TAFA2: variants seen among roughly 807,000 people sequenced by gnomAD.
TAFA2 encodes the protein TAFA chemokine like family member 2.
TAFA2 carries 7 observed loss-of-function variants against 18.8 expected under a neutral mutation model. The observed-to-expected ratio is 0.37, with a 90% CI of 0.21 to 0.70. The LOEUF (loss-of-function observed/expected upper bound fraction) is 0.70, where lower values mean the gene tolerates loss of function less well. TAFA2 is among the 30% of genes least tolerant of loss of function. The pLI is 0.53. For missense variants in TAFA2, 122 were observed against 158.1 expected (o/e 0.77, Z 1.23); for synonymous variants, 60 against 54.2 (o/e 1.11, Z -0.47).
chr12:61,979,861 G>C (rs1004232731), intron 1 of TAFA2, among the ~76,000 whole-genome samples: 1 of 152,004 alleles, frequency 6.6e-6, no homozygotes, highest in Non-Finnish European at 1.5e-5. Flanking sequence ...GACTGGAAGG[G>C]AAGCCTCTGC....
chr12:61,793,719 G>C (rs963447848), intron 2 of TAFA2, among the ~76,000 whole-genome samples: 2 of 151,618 alleles, frequency 1.3e-5, no homozygotes, highest in African/African-American at 4.8e-5. Flanking sequence ...AACTGAAGAG[G>C]TATGACTATG....
chr12:62,125,431 T>G (rs962399135), intron 1 of TAFA2, among the ~76,000 whole-genome samples: 2 of 152,032 alleles, frequency 1.3e-5, no homozygotes, highest in Non-Finnish European at 2.9e-5. Flanking sequence ...TCTTCATGCA[T>G]CCCCAACCTC....
At chr12:62,044,823 A>G (rs1881867630) in intron 1 of TAFA2, among the ~76,000 whole-genome samples, 1 of 152,140 alleles carries the variant, frequency 6.6e-6, no homozygotes, top group Non-Finnish European at 1.5e-5. Context: ...TAATGGAAAA[A>G]TGAAGGCAAA....
At chr12:62,181,169 C>T (rs2062549477) in intron 1 of TAFA2, among the ~76,000 whole-genome samples, 1 of 152,146 alleles carries the variant, frequency 6.6e-6, no homozygotes, top group Non-Finnish European at 1.5e-5. Context: ...CTCTCTCTCA[C>T]ATACACACAC....
At chr12:61,871,866 G>T (rs907403618) in intron 1 of TAFA2, among the ~76,000 whole-genome samples, 3 of 152,282 alleles carry the variant, frequency 2.0e-5, no homozygotes, top group Admixed American at 2.0e-4. Flanking sequence ...GCCGAGGTGG[G>T]TGGATCACAA....
At chr12:62,190,893 A>T (rs933801015) in intron 1 of TAFA2, among the ~76,000 whole-genome samples, 3 of 152,120 alleles carry the variant, frequency 2.0e-5, no homozygotes, top group Admixed American at 6.5e-5. Flanking sequence ...ACCAGCCAGG[A>T]TGGGTCTGGG....
chr12:62,223,840 A>C (rs541770026), intron 1 of TAFA2, among the ~76,000 whole-genome samples: 20 of 152,198 alleles, frequency 1.3e-4, no homozygotes, highest in Admixed American at 8.5e-4. Context: ...AAGGAAACAT[A>C]AGATAGTATG....
At chr12:62,067,971 CT>C (rs996022416) in intron 1 of TAFA2, among the ~76,000 whole-genome samples, 5 of 149,848 alleles carry the variant, frequency 3.3e-5, no homozygotes, top group Admixed American at 2.0e-4. Context: ...TTTGTTTTTA[CT>C]TTTTTTTTCA....
At chr12:62,181,844 G>A (rs2062553528) in intron 1 of TAFA2, among the ~76,000 whole-genome samples, 2 of 152,104 alleles carry the variant, frequency 1.3e-5, no homozygotes, top group Admixed American at 1.3e-4. Context: ...AAATCATAAA[G>A]TATTATGTCT....
At chr12:61,760,656 C>T (rs189816775) in intron 2 of TAFA2, among the ~76,000 whole-genome samples, 38 of 151,428 alleles carry the variant, frequency 2.5e-4, no homozygotes, top group African/African-American at 8.5e-4. Context: ...GTTAATGAGA[C>T]GGGAGGAAAT....
chr12:61,737,550 CTT>C (rs901291600), intron 4 of TAFA2, among the ~76,000 whole-genome samples: 3 of 151,206 alleles, frequency 2.0e-5, no homozygotes, highest in Non-Finnish European at 4.4e-5. Flanking sequence ...ATTATGCTCA[CTT>C]AAATATTTAT....
At chr12:62,166,302 A>G (rs148132412) in intron 1 of TAFA2, among the ~76,000 whole-genome samples, 1 of 152,284 alleles carries the variant, frequency 6.6e-6, no homozygotes, top group African/African-American at 2.4e-5. Flanking sequence ...TTGGCAGTTT[A>G]TACACTGCTG....
intron 1 of TAFA2, among the ~76,000 whole-genome samples, chr12:61,890,943 G>A (rs1875604144): frequency 6.6e-6 from 1 of 152,164 alleles, no homozygotes; most frequent in Non-Finnish European, 1.5e-5. Flanking sequence ...GATCCAAAAA[G>A]GGGTTATATC....
chr12:61,715,493 C>A (rs1347348418), intron 4 of TAFA2, among the ~76,000 whole-genome samples: 1 of 151,944 alleles, frequency 6.6e-6, no homozygotes, highest in East Asian at 1.9e-4. Flanking sequence ...GGACCACAGG[C>A]ACCCACCACC....
At chr12:62,102,438 T>C (rs1274733384) in intron 1 of TAFA2, among the ~76,000 whole-genome samples, 11 of 152,244 alleles carry the variant, frequency 7.2e-5, no homozygotes, top group Admixed American at 7.2e-4. Context: ...TAATACTCTC[T>C]GAAAATTAGA....
At chr12:61,923,624 A>T (rs1343761286) in intron 1 of TAFA2, among the ~76,000 whole-genome samples, 1 of 152,166 alleles carries the variant, frequency 6.6e-6, no homozygotes, top group Non-Finnish European at 1.5e-5. Flanking sequence ...ATCTACAAAG[A>T]TGAAGAAAAG....
intron 1 of TAFA2, among the ~76,000 whole-genome samples, chr12:62,095,006 G>T (rs9739326): frequency 0.17 from 26,178 of 152,010 alleles, 2,585 homozygotes; most frequent in East Asian, 0.39. Flanking sequence ...TAAATGCTAA[G>T]AATATTTGTA....
At chr12:62,022,216 C>T (rs1881166105) in intron 1 of TAFA2, 1 of 298,566 alleles carries the variant, frequency 3.3e-6, no homozygotes, top group Non-Finnish European at 6.8e-6. Context: ...AATTTAGAGA[C>T]CAAGCGATGA....
intron 1 of TAFA2, among the ~76,000 whole-genome samples, chr12:62,204,285 C>A (rs1482457657): frequency 1.3e-5 from 2 of 152,052 alleles, no homozygotes; most frequent in South Asian, 2.1e-4. Flanking sequence ...TCCTTCATTT[C>A]GACCTTGGAG....
Sources: gnomAD v4.1 joint callset for allele counts (sites outside exome capture counted in the v4.1 genomes callset) on GRCh38, gnomAD v4.1.1 for gene constraint, MANE v1.5 for transcripts, NCBI Gene and HGNC (gene_info 2026-07-23, HGNC 2026-07-21) for gene names.